Variants in SSBP4 observed in about 807,000 individuals in gnomAD.
The protein encoded by SSBP4 is single stranded DNA binding protein 4.
Under a neutral mutation model 64.6 loss-of-function variants are expected in SSBP4, and 33 were observed. That is an observed-to-expected ratio of 0.51 (90% CI 0.39 to 0.68). SSBP4 has a LOEUF of 0.68. Among genes scored for constraint, SSBP4 ranks in the 30% least tolerant of loss-of-function variants. SSBP4 has a pLI of 0.00. For missense variants in SSBP4, 583 were observed against 566.8 expected (o/e 1.03, Z -0.29); for synonymous variants, 243 against 224.0 (o/e 1.08, Z -0.76).
At chr19:18,407,268 C>T in the SSBP4 span, among the ~76,000 whole-genome samples, 9,723 of 151,770 alleles carry the variant, frequency 0.064, 325 homozygotes, top group Middle Eastern at 0.14. Flanking sequence ...GAACTCCTGA[C>T]CTCAGGTGAT....
the SSBP4 span, among the ~76,000 whole-genome samples, chr19:18,408,065 T>G: frequency 6.6e-6 from 1 of 152,146 alleles, no homozygotes; most frequent in Non-Finnish European, 1.5e-5. Flanking sequence ...AGTAAAATTT[T>G]AAAAGCCACT....
chr19:18,432,773 G>A (rs1422572512), intron 12 of SSBP4, 38 bp downstream of exon 12: 1 of 1,613,084 alleles, frequency 6.2e-7, no homozygotes, highest in South Asian at 1.1e-5. Flanking sequence ...CTGGGCAGGG[G>A]TTGTGGGATG....
chr19:18,430,350 C>T (rs1431434787), intron 4 of SSBP4, among the ~76,000 whole-genome samples: 1 of 152,200 alleles, frequency 6.6e-6, no homozygotes, highest in African/African-American at 2.4e-5. Context: ...CTCCAGCACC[C>T]TGTCTTGTCG....
rs1439357510 is a variant in SSBP4, at chr19:18,431,660, C to T, written c.449C>T (p.Pro150Leu). Residue 150 changes from proline (P) to leucine (L), a missense_variant, in exon 7 of 18, where the codon CCG becomes CTG. Pro to Leu is a moderately conservative substitution (Grantham distance 98). Transcript: ENST00000270061. ...CACCTCTTCCAGCCCTTCATGTCAC[C>T]GCGCTTCCCAGGGGGCCCCCGGCCC... is the stretch of plus-strand genomic sequence containing the variant. ...MGPHGQPFMS[P>L]RFPGGPRPTL... 34 of 1,552,184 alleles carry T rather than the reference C, an allele frequency of 2.2e-5. No individual in the cohort carries two copies. Among genetic ancestry groups the T allele is most frequent in the Non-Finnish European group, 2.6e-5 (30 of 1,148,344 alleles).
rs1972893647 is a variant in SSBP4 at position 18,426,892 on chromosome 19, G to T, written c.60-459G>T. Reference sequence around the variant, plus strand: ...CATCTCTTCCCCAAGGAAGAGATGGGGTCCAGGGACTGCAGGGGATGTGGG... The same window carrying T: ...CATCTCTTCCCCAAGGAAGAGATGGTGTCCAGGGACTGCAGGGGATGTGGG... On this transcript the variant is annotated intron_variant, in intron 1 of 17. Transcript: ENST00000270061. The surrounding 1 kb of genome is among the most constrained non-coding windows in gnomAD (Gnocchi z 4.5). Among the ~76,000 whole-genome samples the T allele has an allele frequency of 6.6e-6, 1 of 152,154 alleles. No individual in the cohort carries two copies. Among genetic ancestry groups the T allele is most frequent in the South Asian group, 2.1e-4 (1 of 4,830 alleles).
At chr19:18,424,270 A>AG (rs1417273470) in intron 1 of SSBP4, among the ~76,000 whole-genome samples, 2 of 152,088 alleles carry the variant, frequency 1.3e-5, no homozygotes, top group Non-Finnish European at 2.9e-5. Context: ...GCATCCCAGG[A>AG]GGGGGTCCCC....
chr19:18,406,020 G>A, the SSBP4 span, among the ~76,000 whole-genome samples: 6 of 151,252 alleles, frequency 4.0e-5, no homozygotes, highest in African/African-American at 1.5e-4. Flanking sequence ...GAGAGAGAAA[G>A]AAGAGAGATG....
At position 18,428,029 on chromosome 19, in the gene SSBP4, G is replaced by C. The variant is rs201608906; in HGVS notation, c.279+47G>C. The C allele has an allele frequency of 2.1e-3, 3,344 of 1,579,434 alleles. 16 individuals carry two copies. Among genetic ancestry groups the C allele is most frequent in the Non-Finnish European group, 2.6e-3 (2,989 of 1,162,974 alleles). ...TCAGGGGCTCCAGGGCGGGAGGTGT[G>C]CTGGGCCTGTGGCTGGGGAGGTGGG... On this transcript the variant is annotated intron_variant, in intron 4 of 17. Coordinates refer to ENST00000270061, the MANE Select transcript of SSBP4 (RefSeq NM_032627.5).
Position 18,431,678 on chromosome 19 carries a change from C to T in SSBP4, c.467C>T (p.Pro156Leu). The T allele has an allele frequency of 6.4e-7, 1 of 1,552,770 alleles. No homozygotes were observed. The highest frequency in any genetic ancestry group is 1.2e-5 in the South Asian group (1 of 84,522). ...ATGTCACCGCGCTTCCCAGGGGGCC[C>T]CCGGCCCACCCTGCGGATGCCGAGT... ...PFMSPRFPGG[P>L]RPTLRMPSQP... The change falls in exon 7 of 18, where the codon CCC (proline) becomes CTC (leucine). Residue 156 changes from proline (P) to leucine (L), a missense_variant. This residue lies in a region of SSBP4 where 444 missense variants were observed against 386.6 expected (regional missense o/e 1.15). Coordinates refer to ENST00000270061, the MANE Select transcript of SSBP4 (RefSeq NM_032627.5).
intron 10 of SSBP4, 87 bp downstream of exon 10, chr19:18,432,301 C>CAAG (rs1973470969): frequency 1.3e-6 from 2 of 1,513,676 alleles, no homozygotes; most frequent in Non-Finnish European, 9.0e-7. Flanking sequence ...GTCCTGAATC[C>CAAG]TCAGGACAGC....
the SSBP4 span, among the ~76,000 whole-genome samples, chr19:18,408,945 G>A: frequency 1.3e-5 from 2 of 151,802 alleles, no homozygotes; most frequent in African/African-American, 2.4e-5. Flanking sequence ...CCCATGTAGT[G>A]GGGACCATGG....
chr19:18,425,727 T>C (rs926174765), intron 1 of SSBP4, among the ~76,000 whole-genome samples: 4 of 151,986 alleles, frequency 2.6e-5, no homozygotes, highest in East Asian at 3.9e-4. Context: ...GGGGTGACCA[T>C]TGGGCGCTGT....
chr19:18,433,415 CCCCCCCAGGCCCAA>C, intron 15 of SSBP4, 156 bp from the exon 16 acceptor site: 6 of 1,280,278 alleles, frequency 4.7e-6, no homozygotes, highest in Non-Finnish European at 6.5e-6. Flanking sequence ...GACCGCCCCT[CCCCCCCAGGCCCAA>C]CCCTCCACCT....
intron 6 of SSBP4, 113 bp downstream of exon 6, chr19:18,431,531 T>A (rs1600344947): frequency 7.1e-7 from 1 of 1,414,814 alleles, no homozygotes; most frequent in Admixed American, 2.6e-5. Context: ...CGGGCTTTGC[T>A]GGCTGGTTCT....
In SSBP4 at chr19:18,419,626, C is replaced by CT; in HGVS notation, c.-23_-22insT. The CT allele has an allele frequency of 8.0e-7, 1 of 1,248,424 alleles. No individual in the cohort carries two copies. 77.3% of individuals were successfully genotyped at this position (1,248,424 alleles called of 1,614,324 possible). On this transcript the variant is annotated 5_prime_UTR_variant, in exon 1 of 18. Coordinates refer to ENST00000270061, the MANE Select transcript of SSBP4 (RefSeq NM_032627.5). ...GGCGCCGCCTGACAGGTGTGGGCCC[C>CT]GGCGGCGGCGGCGTGGAGCAGCATG...
At chr19:18,430,981 T>A in intron 5 of SSBP4, 51 bp downstream of exon 5, 1 of 1,587,926 alleles carries the variant, frequency 6.3e-7, no homozygotes, top group Non-Finnish European at 8.6e-7. Flanking sequence ...TGAACATGCG[T>A]TTGAGGGTGG....
In SSBP4 at chr19:18,427,994, C is replaced by CCCCAGGGA. The variant is rs1972985441; in HGVS notation, c.279+14_279+21dup. The CCCCAGGGA allele has an allele frequency of 1.2e-6, 2 of 1,608,174 alleles. No individual in the cohort carries two copies. The highest frequency in any genetic ancestry group is 1.7e-6 in the Non-Finnish European group (2 of 1,179,268). On this transcript the variant is annotated intron_variant, in intron 4 of 17. Transcript: ENST00000270061. This position sits in a 1 kb window ranked among gnomAD's most constrained non-coding sequence, Gnocchi z 4.4. ...CCTTCCAGGACTATGTGAGTCCTGG[C>CCCCAGGGA]CCCAGGGACTCAGGGGCTCCAGGGC...
Position 18,434,392 on chromosome 19 carries a change from C to CT in SSBP4, c.*148dup. 4 of 1,383,360 alleles carry CT rather than the reference C, an allele frequency of 2.9e-6. No homozygotes were observed. The highest frequency in any genetic ancestry group is 3.8e-6 in the Non-Finnish European group (4 of 1,055,806). The allele number at this position is 1,383,360 out of a possible 1,614,324, so 85.7% of individuals were successfully genotyped here. On this transcript the variant is annotated 3_prime_UTR_variant, in exon 18 of 18. Transcript: ENST00000270061. ...GCTGGGAGGCCCCACACGAAAGACT[C>CT]TTACCATTTTATTAAAAACGCAAGG... is the stretch of plus-strand genomic sequence containing the variant.
chr19:18,433,855 C>T (rs1164488719), intron 17 of SSBP4, 38 bp downstream of exon 17: 2 of 1,220,240 alleles, frequency 1.6e-6, no homozygotes, highest in Non-Finnish European at 2.0e-6. Context: ...GCGGCGGCGT[C>T]GGGCCGGAGG....
Sources: gnomAD v4.1 joint callset for allele counts (sites outside exome capture counted in the v4.1 genomes callset) on GRCh38, gnomAD v4.1.1 for gene constraint, gnomAD v4.1.1 regional missense constraint, Gnocchi (gnomAD v3.1) non-coding constraint, MANE v1.5 for transcripts, NCBI Gene and HGNC (gene_info 2026-07-23, HGNC 2026-07-21) for gene names.